The following NRCAM variants were observed in gnomAD, a reference collection of about 807,000 sequenced individuals.
The protein encoded by NRCAM is neuronal cell adhesion molecule.
A neutral mutation model predicts 156.5 loss-of-function variants in NRCAM; 83 were observed. That is an observed-to-expected ratio of 0.53 (90% CI 0.44 to 0.64). The LOEUF is 0.64. Ranked by LOEUF, NRCAM falls within the 30% of genes least tolerant of loss-of-function variation. The pLI is 0.00. For synonymous variants in NRCAM, 538 were observed against 563.9 expected, an observed-to-expected ratio of 0.95 and a Z score of 0.65; for missense variants, 1,417 against 1,597.3, an observed-to-expected ratio of 0.89 and a Z score of 1.92.
At position 108,432,651 on chromosome 7, in the gene NRCAM, C is replaced by T. The variant is rs150682173; in HGVS notation, c.-332+23592G>A. Among the ~76,000 whole-genome samples, 163 of 152,286 alleles carry T rather than the reference C, an allele frequency of 1.1e-3. 1 individual carries two copies. Among genetic ancestry groups the T allele is most frequent in the African/African-American group, 3.6e-3 (150 of 41,554 alleles). ...GGCGAGGTGGCTCTCGCCTGTAATC[C>T]CAGCACTTCGGGAGGCCGAGGAGGG... On this transcript the variant is annotated intron_variant, in intron 1 of 32. Transcript: ENST00000379028.
rs527458605 is a variant in NRCAM at position 108,202,917 on chromosome 7, G to A, written c.1207+4611C>T. 4.6e-5 allele frequency among the ~76,000 whole-genome samples: 7 copies of A among 152,168 alleles called. No individual in the cohort carries two copies. In the South Asian group the frequency reaches 6.2e-4, roughly 14 times the overall value. On this transcript the variant is annotated intron_variant, in intron 13 of 32. Transcript: ENST00000379028. ...AAGAGTCTGACAGACCTAATACAAC[G>A]CACGCTGGAAACTATCAAGGATCTG...
chr7:108,270,640 T>C (rs2097308753), intron 3 of NRCAM, among the ~76,000 whole-genome samples: 1 of 152,148 alleles, frequency 6.6e-6, no homozygotes, highest in Admixed American at 6.5e-5. Context: ...ACAATCCAAG[T>C]GTCCATCAAA....
chr7:108,253,533 C>T (rs749264538), intron 3 of NRCAM, among the ~76,000 whole-genome samples: 1 of 152,120 alleles, frequency 6.6e-6, no homozygotes, highest in Non-Finnish European at 1.5e-5. Context: ...GAGGCAGAAA[C>T]GTAAAGTTGG....
intron 1 of NRCAM, among the ~76,000 whole-genome samples, chr7:108,423,475 T>C (rs908929158): frequency 2.6e-5 from 4 of 152,100 alleles, no homozygotes; most frequent in African/African-American, 4.8e-5. Flanking sequence ...AATGACGAGA[T>C]AAAAATAAAA....
At chr7:108,218,691 T>G (rs1366180345) in intron 11 of NRCAM, among the ~76,000 whole-genome samples, 1 of 152,120 alleles carries the variant, frequency 6.6e-6, no homozygotes, top group East Asian at 1.9e-4. Flanking sequence ...TATCAAAACC[T>G]CTGGGATACA....
At chr7:108,255,365 G>A (rs1326369209) in intron 3 of NRCAM, among the ~76,000 whole-genome samples, 3 of 152,158 alleles carry the variant, frequency 2.0e-5, no homozygotes, top group African/African-American at 4.8e-5. Flanking sequence ...ACGGGGTTTC[G>A]CCGTGTTGGC....
At chr7:108,299,114 A>AAAAAGAAAGAAAGAAAGAAAGAAAG in intron 3 of NRCAM, among the ~76,000 whole-genome samples, 1 of 25,532 alleles carries the variant, frequency 3.9e-5, no homozygotes, top group East Asian at 3.2e-3. Flanking sequence ...TCAAAAAAAA[A>AAAAAGAAAGAAAGAAAGAAAGAAAG]AAAGAAAGAA....
At chr7:108,183,294 TAG>T (rs1563306666) in intron 22 of NRCAM, among the ~76,000 whole-genome samples, 2 of 151,798 alleles carry the variant, frequency 1.3e-5, no homozygotes, top group Non-Finnish European at 2.9e-5. Flanking sequence ...GATGGAAACT[TAG>T]ACTGTTTTCC....
chr7:108,260,763 G>A (rs1371805102), intron 3 of NRCAM, among the ~76,000 whole-genome samples: 5 of 152,196 alleles, frequency 3.3e-5, no homozygotes, highest in African/African-American at 7.2e-5. Flanking sequence ...AAGAGATGGG[G>A]AGGCCGAGGC....
At position 108,172,650 on chromosome 7, in the gene NRCAM, C is replaced by A. The variant is rs983041602; in HGVS notation, c.3187+2672G>T. On this transcript the variant is annotated intron_variant, in intron 28 of 32. Coordinates refer to ENST00000379028, the MANE Select transcript of NRCAM (RefSeq NM_001037132.4). ...ATATGCCAATCAACTATAATTCCTA[C>A]ACAAATATTGAGAGCTTTAATCCAA... Among the ~76,000 whole-genome samples, 6 of 152,254 alleles carry A rather than the reference C, an allele frequency of 3.9e-5. No individual in the cohort carries two copies. The East Asian group carries it at 5.8e-4, about 15-fold the overall frequency.
intron 2 of NRCAM, among the ~76,000 whole-genome samples, chr7:108,378,898 G>A (rs2099688907): frequency 6.6e-6 from 1 of 152,064 alleles, no homozygotes; most frequent in East Asian, 1.9e-4. Flanking sequence ...TGAACAAACA[G>A]GAAAGCCAGA....
At chr7:108,314,261 C>G (rs1290599064) in intron 2 of NRCAM, among the ~76,000 whole-genome samples, 1 of 152,134 alleles carries the variant, frequency 6.6e-6, no homozygotes, top group East Asian at 1.9e-4. Context: ...CCCAACATTT[C>G]TAGGAAATGA....
chr7:108,161,116 T>A (rs552400648), intron 30 of NRCAM, among the ~76,000 whole-genome samples: 2 of 152,108 alleles, frequency 1.3e-5, no homozygotes, highest in South Asian at 4.1e-4. Flanking sequence ...TTCACAAGAG[T>A]TGGTTCTGAG....
intron 13 of NRCAM, among the ~76,000 whole-genome samples, chr7:108,203,830 G>A (rs925278079): frequency 6.6e-6 from 1 of 152,188 alleles, no homozygotes; most frequent in Non-Finnish European, 1.5e-5. Flanking sequence ...TGCAATTTCT[G>A]CAGTCTCTTG....
chr7:108,373,697 T>C (rs951011527), intron 2 of NRCAM, among the ~76,000 whole-genome samples: 1 of 152,134 alleles, frequency 6.6e-6, no homozygotes, highest in African/African-American at 2.4e-5. Flanking sequence ...CCCCAGATAA[T>C]AACATGAGGG....
At chr7:108,201,531 C>T (rs1408868249) in intron 13 of NRCAM, among the ~76,000 whole-genome samples, 2 of 152,200 alleles carry the variant, frequency 1.3e-5, no homozygotes, top group Admixed American at 6.5e-5. Context: ...CACTACTGAA[C>T]TGTACACTTA....
intron 11 of NRCAM, among the ~76,000 whole-genome samples, chr7:108,218,269 T>C (rs2090548038): frequency 6.6e-6 from 1 of 151,700 alleles, no homozygotes; most frequent in East Asian, 1.9e-4. Flanking sequence ...GCTTCCACTG[T>C]CTAACCAGTC....
intron 2 of NRCAM, among the ~76,000 whole-genome samples, chr7:108,348,636 G>T (rs561473488): frequency 2.3e-4 from 35 of 152,068 alleles, no homozygotes; most frequent in Non-Finnish European, 4.6e-4. Flanking sequence ...AATTGGGGCC[G>T]GGCGTAGCAG....
chr7:108,423,995 G>A (rs1813700705), intron 1 of NRCAM, among the ~76,000 whole-genome samples: 1 of 152,206 alleles, frequency 6.6e-6, no homozygotes, highest in South Asian at 2.1e-4. Flanking sequence ...TCTTCTCCAT[G>A]TGCTTCTCCC....
Sources: allele counts gnomAD v4.1 joint callset (sites outside exome capture counted in the v4.1 genomes callset), GRCh38; gene constraint gnomAD v4.1.1; transcripts MANE v1.5; gene names NCBI Gene and HGNC (gene_info 2026-07-23, HGNC 2026-07-21).